Variants in LMF1 observed in about 807,000 individuals in gnomAD.
LMF1 encodes the protein lipase maturation factor 1, also known as transmembrane protein 112.
A neutral mutation model predicts 60.6 loss-of-function variants in LMF1; 68 were observed. That is an observed-to-expected ratio of 1.12 (90% CI 0.92 to 1.37). The LOEUF (loss-of-function observed/expected upper bound fraction) is 1.37. Among genes scored for constraint, LMF1 ranks in the 40% most tolerant of loss-of-function variants. The pLI, the probability that LMF1 is intolerant of heterozygous loss-of-function variation, is 0.00. For synonymous variants in LMF1, 418 were observed against 324.7 expected (o/e 1.29, Z -3.09); for missense variants, 948 against 767.2 (o/e 1.24, Z -2.78).
At chr16:867,969 C>T (rs2069660363) in intron 10 of LMF1, among the ~76,000 whole-genome samples, 2 of 152,200 alleles carry the variant, frequency 1.3e-5, no homozygotes, top group South Asian at 4.1e-4. Context: ...GAGGGTGCAG[C>T]TGTCCCAGCT....
chr16:979,281 G>A (rs1487700803), intron 1 of LMF1: 1 of 360,674 alleles, frequency 2.8e-6, no homozygotes, highest in Non-Finnish European at 5.5e-6. Context: ...ACTCTGGAAG[G>A]GGGGTTTGTG....
intron 2 of LMF1, among the ~76,000 whole-genome samples, chr16:937,498 G>T (rs1012356375): frequency 1.3e-5 from 2 of 148,378 alleles, no homozygotes; most frequent in African/African-American, 4.9e-5. Flanking sequence ...TTGACTGACA[G>T]GCTGCTGGGG....
In LMF1 at chr16:853,698, A is replaced by C. The variant is rs1247861453; in HGVS notation, c.*834T>G. On this transcript the variant is annotated 3_prime_UTR_variant, in exon 11 of 11. Transcript: ENST00000262301. The stretch of plus-strand genomic sequence containing the variant: ...GAAGAATATGCCATAGCTATGGCTC[A>C]AGAATAGGAATAAGAAAAATGTGCA... The C allele has an allele frequency of 2.2e-6, 1 of 454,140 alleles. No individual in the cohort carries two copies. The highest frequency in any genetic ancestry group is 4.4e-6 in the Non-Finnish European group (1 of 226,788). The allele number at this position is 454,140 out of a possible 1,614,324, so 28.1% of individuals were successfully genotyped here. A position where few individuals can be genotyped will look rare whatever the true frequency, so the allele number is the denominator to read the frequency against.
At chr16:899,245 G>C (rs150232071) in intron 4 of LMF1, 2 of 152,254 alleles carry the variant, frequency 1.3e-5, no homozygotes, top group Non-Finnish European at 2.9e-5. Flanking sequence ...CAGGGACTCC[G>C]GTCTGGGCCT....
chr16:934,380 A>G, intron 2 of LMF1, 126 bp from the exon 3 acceptor site: 1 of 1,204,078 alleles, frequency 8.3e-7, no homozygotes, highest in Non-Finnish European at 1.2e-6. Context: ...AAGCCCTGCG[A>G]GGAGGACCTG....
chr16:908,747 G>C (rs1157157905), intron 4 of LMF1, among the ~76,000 whole-genome samples: 1 of 152,264 alleles, frequency 6.6e-6, no homozygotes, highest in East Asian at 1.9e-4. Context: ...AGTAAAAACA[G>C]TGAGGACCTA....
rs115166359 is a variant in LMF1, at chr16:880,241, C to G, written c.730-504G>C. ...TGGGGCCCGGGTCCCGAGCCCAGCT[C>G]AAGGCTCTAAGCGCAAGACCTGGCT... On this transcript the variant is annotated intron_variant, in intron 5 of 10. Transcript: ENST00000262301. 9.9e-3 allele frequency among the ~76,000 whole-genome samples: 1,507 copies of G among 151,792 alleles called. 28 individuals are homozygous for G. Among genetic ancestry groups the G allele is most frequent in the African/African-American group, 0.035 (1,433 of 41,072 alleles).
intron 10 of LMF1, chr16:855,532 G>A (rs774295177): frequency 1.0e-4 from 37 of 363,852 alleles, no homozygotes; most frequent in Non-Finnish European, 8.1e-5. Flanking sequence ...AGGGTTGCTC[G>A]GCTGCCCCGG....
At chr16:964,772 C>T (rs2072889468) in intron 1 of LMF1, among the ~76,000 whole-genome samples, 1 of 152,208 alleles carries the variant, frequency 6.6e-6, no homozygotes, top group Non-Finnish European at 1.5e-5. Context: ...CCACGTCAAC[C>T]CTGCCTCGGG....
chr16:918,213 C>T (rs551734759), intron 3 of LMF1, among the ~76,000 whole-genome samples: 7 of 152,270 alleles, frequency 4.6e-5, no homozygotes, highest in East Asian at 3.9e-4. Flanking sequence ...TAAGGCTGTC[C>T]GTGGGCGCTG....
At chr16:908,585 A>G (rs2071027161) in intron 4 of LMF1, among the ~76,000 whole-genome samples, 1 of 152,226 alleles carries the variant, frequency 6.6e-6, no homozygotes, top group African/African-American at 2.4e-5. Context: ...GGGATGGGGC[A>G]GGTCAGGCCC....
chr16:954,381 G>T lies in LMF1; in HGVS notation c.479C>A (p.Ser160Tyr). Residue 160 changes from serine to tyrosine, a missense_variant, in exon 2 of 11, where the codon TCC becomes TAC. Coordinates refer to ENST00000262301, the MANE Select transcript of LMF1 (RefSeq NM_022773.4). ...LMAALWGLYM[S>Y]LVNVGHVWYS... ...CCAGACATGGCCCACATTAACCAGG[G>T]ACATGTAGAGGCCCCACAGGGCAGC... is the stretch of plus-strand genomic sequence containing the variant. 2 of 1,612,612 alleles carry T rather than the reference G, an allele frequency of 1.2e-6. No homozygotes were observed. The highest frequency in any genetic ancestry group is 1.1e-5 in the South Asian group (1 of 90,876).
intron 1 of LMF1, among the ~76,000 whole-genome samples, chr16:969,378 C>A (rs2072992648): frequency 6.6e-6 from 1 of 152,136 alleles, no homozygotes; most frequent in South Asian, 2.1e-4. Context: ...GACACAGACC[C>A]AGTTGAAGCC....
chr16:979,727 C>G (rs1370243735), intron 1 of LMF1: 1 of 454,036 alleles, frequency 2.2e-6, no homozygotes, highest in Non-Finnish European at 4.4e-6. Context: ...GGTCCTCACC[C>G]GGATGGCACT....
intron 5 of LMF1, among the ~76,000 whole-genome samples, chr16:884,608 G>C (rs1044382303): frequency 6.6e-6 from 1 of 152,094 alleles, no homozygotes; most frequent in Non-Finnish European, 1.5e-5. Flanking sequence ...CTCCACGCAG[G>C]AGTGAAGAGC....
intron 3 of LMF1, among the ~76,000 whole-genome samples, chr16:929,347 C>T (rs568802444): frequency 3.9e-5 from 6 of 152,332 alleles, no homozygotes; most frequent in Admixed American, 6.5e-5. Flanking sequence ...CCATGGGGGA[C>T]GGGGACCACG....
rs554897796 is a variant in LMF1, at chr16:923,598, C to T, written c.514+10646G>A. On this transcript the variant is annotated intron_variant, in intron 3 of 10. Transcript: ENST00000262301. ...CCAGCTCTAAAAAAGAGAAATCCTC[C>T]CTAAGAGCACTGCTTTAGAAGGACG... 1.6e-3 allele frequency among the ~76,000 whole-genome samples: 244 copies of T among 152,240 alleles called. 1 individual carries two copies. The highest frequency in any genetic ancestry group is 5.4e-3 in the African/African-American group (224 of 41,534).
chr16:979,753 C>T (rs1218147110), intron 1 of LMF1: 4 of 454,018 alleles, frequency 8.8e-6, no homozygotes, highest in Admixed American at 7.0e-5. Context: ...CCCGAGTGGG[C>T]GATGTCTGCT....
At chr16:951,161 CCAA>C (rs143177707) in intron 2 of LMF1, among the ~76,000 whole-genome samples, 2,820 of 137,088 alleles carry the variant, frequency 0.021, 201 homozygotes, top group Non-Finnish European at 0.026. Flanking sequence ...AGAGTCAGAG[CCAA>C]CGACAGAGTC....
Sources: gnomAD v4.1 joint callset for allele counts (sites outside exome capture counted in the v4.1 genomes callset) on GRCh38, gnomAD v4.1.1 for gene constraint, MANE v1.5 for transcripts, NCBI Gene and HGNC (gene_info 2026-07-23, HGNC 2026-07-21) for gene names.